SDHAF3: variants seen among roughly 807,000 people sequenced by gnomAD.
SDHAF3 encodes succinate dehydrogenase complex assembly factor 3, also known as succinate dehydrogenase assembly factor 3, mitochondrial.
In SDHAF3, 18 loss-of-function variants were observed where a neutral mutation model predicts 11.5. The observed-to-expected ratio is 1.56, with a 90% CI of 1.08 to 2.32. The LOEUF is 2.32. SDHAF3 is among the 30% of genes most tolerant of loss of function. The pLI, the probability that SDHAF3 is intolerant of heterozygous loss-of-function variation, is 0.00. For synonymous variants in SDHAF3, 72 were observed against 59.3 expected (o/e 1.21, Z -0.99); for missense variants, 200 against 154.4 (o/e 1.30, Z -1.57).
intron 1 of SDHAF3, among the ~76,000 whole-genome samples, chr7:97,163,597 CTT>C: frequency 1.3e-5 from 2 of 152,304 alleles, no homozygotes; most frequent in South Asian, 4.1e-4. Context: ...AGCCTTGACT[CTT>C]TATCCAGTTT....
At chr7:97,126,701 A>G (rs1791582327) in intron 1 of SDHAF3, among the ~76,000 whole-genome samples, 1 of 152,088 alleles carries the variant, frequency 6.6e-6, no homozygotes. Flanking sequence ...GCAGCGAGAA[A>G]TTCAAGCCAG....
At chr7:97,151,601 C>A (rs1789223022) in intron 1 of SDHAF3, among the ~76,000 whole-genome samples, 2 of 151,564 alleles carry the variant, frequency 1.3e-5, no homozygotes, top group Admixed American at 1.3e-4. Context: ...CGGGTTCCTG[C>A]CATTCTCCTG....
intron 1 of SDHAF3, among the ~76,000 whole-genome samples, chr7:97,158,675 G>A (rs968509551): frequency 1.4e-4 from 22 of 152,122 alleles, no homozygotes; most frequent in African/African-American, 5.1e-4. Context: ...TGCATGACCA[G>A]TGTCATTGGA....
intron 1 of SDHAF3, among the ~76,000 whole-genome samples, chr7:97,130,283 A>AC (rs1480733191): frequency 6.6e-6 from 1 of 151,760 alleles, no homozygotes; most frequent in Non-Finnish European, 1.5e-5. Context: ...AAAAAAAAAA[A>AC]AAAACCTTGA....
rs75125551 is a variant in SDHAF3, at chr7:97,170,094, G to A, written c.175-10918G>A. Among the ~76,000 whole-genome samples the A allele has an allele frequency of 7.8e-4, 113 of 144,306 alleles. 2 individuals are homozygous for A. The East Asian group carries it at 0.018, about 23-fold the overall frequency. The allele number at this position is 144,306 out of a possible 152,430, so 94.7% of individuals were successfully genotyped here. ...AGTGAGTAAGGTAAGGAGTTGGCTA[G>A]TTCGTTTTTTTTTTTTAACGTAACA... On this transcript the variant is annotated intron_variant, in intron 1 of 1. Coordinates refer to ENST00000432641, the MANE Select transcript of SDHAF3 (RefSeq NM_020186.3).
chr7:97,126,418 C>A (rs530297528), intron 1 of SDHAF3, among the ~76,000 whole-genome samples: 1 of 152,338 alleles, frequency 6.6e-6, no homozygotes, highest in Non-Finnish European at 1.5e-5. Flanking sequence ...GTGCCCACAG[C>A]TGCCCCTTCC....
chr7:97,166,282 A>T (rs1457121867), intron 1 of SDHAF3, among the ~76,000 whole-genome samples: 1 of 152,170 alleles, frequency 6.6e-6, no homozygotes, highest in Admixed American at 6.5e-5. Context: ...CTTGCTTTAT[A>T]CATTTTAGGG....
intron 1 of SDHAF3, among the ~76,000 whole-genome samples, chr7:97,155,313 C>T (rs1291806070): frequency 6.6e-6 from 1 of 152,152 alleles, no homozygotes. Context: ...AATAATGTTT[C>T]AAGTGCTCAG....
At chr7:97,179,087 C>A (rs1789731454) in intron 1 of SDHAF3, among the ~76,000 whole-genome samples, 1 of 152,110 alleles carries the variant, frequency 6.6e-6, no homozygotes, top group South Asian at 2.1e-4. Flanking sequence ...CCAGTTGTTG[C>A]CTAGATTATT....
chr7:97,181,442 C>A lies in SDHAF3; in HGVS notation c.*227C>A. ...GAAATTCAGTTTTGGAACTAAACAG[C>A]AAATTTCTAGAATTTTGCTGAAAAT... is the stretch of plus-strand genomic sequence containing the variant. On this transcript the variant is annotated 3_prime_UTR_variant, in exon 2 of 2. Coordinates refer to ENST00000432641, the MANE Select transcript of SDHAF3 (RefSeq NM_020186.3). The A allele has an allele frequency of 2.7e-6, 1 of 366,888 alleles. No individual in the cohort carries two copies. Among genetic ancestry groups the A allele is most frequent in the Non-Finnish European group, 4.9e-6 (1 of 204,086 alleles). The allele number at this position is 366,888 out of a possible 1,614,324, so 22.7% of individuals were successfully genotyped here.
intron 1 of SDHAF3, among the ~76,000 whole-genome samples, chr7:97,127,314 T>A (rs754907419): frequency 1.3e-5 from 2 of 152,236 alleles, no homozygotes; most frequent in Non-Finnish European, 2.9e-5. Context: ...ATGATCCCGG[T>A]ATCACGGACT....
intron 1 of SDHAF3, among the ~76,000 whole-genome samples, chr7:97,146,479 G>A (rs1789136934): frequency 6.6e-6 from 1 of 152,094 alleles, no homozygotes; most frequent in South Asian, 2.1e-4. Flanking sequence ...TCGTATAAAT[G>A]TTACAAAAAG....
rs146389008 is a variant in SDHAF3, at chr7:97,126,307, C to T, written c.174+8410C>T. Among the ~76,000 whole-genome samples the T allele has an allele frequency of 3.6e-3, 554 of 152,276 alleles. 1 individual carries two copies. Among genetic ancestry groups the T allele is most frequent in the African/African-American group, 0.013 (527 of 41,546 alleles). On this transcript the variant is annotated intron_variant, in intron 1 of 1. Transcript: ENST00000432641. ...GACCCAGTTGAGGAAGCAGTCTGTC[C>T]CTTAGTGGAGCTCAAGCACCGTCCT...
intron 1 of SDHAF3, among the ~76,000 whole-genome samples, chr7:97,161,608 C>T (rs1789410313): frequency 1.3e-5 from 2 of 152,118 alleles, no homozygotes; most frequent in African/African-American, 2.4e-5. Flanking sequence ...CTGACAGGCC[C>T]TGGTGTGTGC....
intron 1 of SDHAF3, among the ~76,000 whole-genome samples, chr7:97,147,146 G>A (rs991687364): frequency 5.9e-5 from 9 of 152,226 alleles, no homozygotes; most frequent in African/African-American, 1.4e-4. Context: ...TATTTTAAAC[G>A]TTTTGCCAAA....
intron 1 of SDHAF3, among the ~76,000 whole-genome samples, chr7:97,128,441 CTT>C (rs1383875080): frequency 6.6e-6 from 1 of 151,966 alleles, no homozygotes; most frequent in Non-Finnish European, 1.5e-5. Context: ...ATATTATTGA[CTT>C]TATGGTATGT....
intron 1 of SDHAF3, among the ~76,000 whole-genome samples, chr7:97,150,674 C>G (rs1309675054): frequency 4.0e-5 from 6 of 151,004 alleles, no homozygotes; most frequent in African/African-American, 1.5e-4. Context: ...CGCCATTCTC[C>G]TGCCTCAGCC....
intron 1 of SDHAF3, among the ~76,000 whole-genome samples, chr7:97,143,199 T>C (rs1183186279): frequency 1.3e-5 from 2 of 152,048 alleles, no homozygotes; most frequent in African/African-American, 4.8e-5. Context: ...CCCAGCCCCT[T>C]CTTAAATTCT....
At chr7:97,145,920 A>G (rs1406523469) in intron 1 of SDHAF3, among the ~76,000 whole-genome samples, 2 of 152,148 alleles carry the variant, frequency 1.3e-5, no homozygotes, top group African/African-American at 2.4e-5. Flanking sequence ...GCAGATAGCC[A>G]TCAAACACAT....
Sources: gnomAD v4.1 joint callset for allele counts (sites outside exome capture counted in the v4.1 genomes callset) on GRCh38, gnomAD v4.1.1 for gene constraint, MANE v1.5 for transcripts, NCBI Gene and HGNC (gene_info 2026-07-23, HGNC 2026-07-21) for gene names.